Variants in RPS6KC1 observed in about 807,000 individuals in gnomAD.
RPS6KC1 encodes inactive ribosomal protein S6 kinase delta-1.
Under a neutral mutation model 103.8 loss-of-function variants are expected in RPS6KC1, and 54 were observed. The ratio of observed to expected loss-of-function variants is 0.52; its 90% CI spans 0.42 to 0.65. The LOEUF is 0.65. Among genes scored for constraint, RPS6KC1 ranks in the 30% least tolerant of loss-of-function variants. The probability of loss-of-function intolerance (pLI) is 0.00; values close to 1 mark genes in which losing one functional copy is unlikely to be tolerated. For missense variants in RPS6KC1, 1,151 were observed against 1,253.8 expected, an observed-to-expected ratio of 0.92 and a Z score of 1.24; for synonymous variants, 439 against 438.7, an observed-to-expected ratio of 1.00 and a Z score of -0.01.
chr1:213,262,005 G>A (rs1285789558), intron 13 of RPS6KC1, among the ~76,000 whole-genome samples: 1 of 152,148 alleles, frequency 6.6e-6, no homozygotes, highest in African/African-American at 2.4e-5. Context: ...CTGAAACCAG[G>A]AGAGAATTCT....
the RPS6KC1 span, among the ~76,000 whole-genome samples, chr1:213,778,809 A>G: frequency 6.6e-6 from 1 of 151,596 alleles, no homozygotes; most frequent in Non-Finnish European, 1.5e-5. Flanking sequence ...AGGATCCTAA[A>G]CCCCCATGCT....
At chr1:213,709,020 G>T in the RPS6KC1 span, among the ~76,000 whole-genome samples, 1 of 151,974 alleles carries the variant, frequency 6.6e-6, no homozygotes, top group African/African-American at 2.4e-5. Flanking sequence ...TTCTTTTTTT[G>T]TTGTGTTTCT....
At chr1:213,356,616 A>G in the RPS6KC1 span, among the ~76,000 whole-genome samples, 1 of 152,202 alleles carries the variant, frequency 6.6e-6, no homozygotes, top group African/African-American at 2.4e-5. Context: ...AGATGGCACC[A>G]CTGCATTCCA....
chr1:213,742,975 T>C, the RPS6KC1 span, among the ~76,000 whole-genome samples: 1 of 152,356 alleles, frequency 6.6e-6, no homozygotes, highest in East Asian at 1.9e-4. Context: ...GAAAGCAGTT[T>C]GGCAATTTCT....
At chr1:213,823,610 AC>A in the RPS6KC1 span, among the ~76,000 whole-genome samples, 2 of 152,096 alleles carry the variant, frequency 1.3e-5, no homozygotes, top group African/African-American at 4.8e-5. Flanking sequence ...CCTCTTCCCA[AC>A]AGAATGGAGG....
At chr1:213,113,401 G>T (rs558652300) in intron 4 of RPS6KC1, among the ~76,000 whole-genome samples, 180 of 152,140 alleles carry the variant, frequency 1.2e-3, no homozygotes, top group African/African-American at 3.2e-3. Context: ...CCCACTTTTT[G>T]ATGGGGTTGT....
intron 8 of RPS6KC1, among the ~76,000 whole-genome samples, chr1:213,181,538 T>A (rs2092269741): frequency 6.6e-6 from 1 of 152,234 alleles, no homozygotes; most frequent in South Asian, 2.1e-4. Flanking sequence ...AACTGGTACT[T>A]ATTTTTTAAG....
chr1:213,804,311 C>T, the RPS6KC1 span, among the ~76,000 whole-genome samples: 1 of 151,986 alleles, frequency 6.6e-6, no homozygotes, highest in South Asian at 2.1e-4. Flanking sequence ...AGAGGACCTT[C>T]CAATCTCTGC....
At chr1:213,547,605 GGTA>G in the RPS6KC1 span, among the ~76,000 whole-genome samples, 1 of 152,166 alleles carries the variant, frequency 6.6e-6, no homozygotes, top group Admixed American at 6.5e-5. Context: ...CCTGATGGGA[GGTA>G]TTTGGGTCAT....
At chr1:213,151,940 C>CCCAT (rs2089083602) in intron 6 of RPS6KC1, among the ~76,000 whole-genome samples, 1 of 125,924 alleles carries the variant, frequency 7.9e-6, no homozygotes, top group African/African-American at 3.2e-5. Context: ...GACCCCCCCA[C>CCCAT]CTCCCTCCCG....
At chr1:213,278,723 G>A (rs1176612781), downstream of RPS6KC1, among the ~76,000 whole-genome samples, 1 of 152,134 alleles carries the variant, frequency 6.6e-6, no homozygotes, top group Non-Finnish European at 1.5e-5. Flanking sequence ...ACAGGGGAAA[G>A]AAAGAAGCAT....
At chr1:213,163,779 G>A (rs6700169) in intron 6 of RPS6KC1, among the ~76,000 whole-genome samples, 110,997 of 151,992 alleles carry the variant, frequency 0.73, 41,353 homozygotes, top group African/African-American at 0.88. Flanking sequence ...AGAAAGACCT[G>A]TTCTCTTTTA....
chr1:213,139,176 T>C (rs929404869), intron 6 of RPS6KC1, among the ~76,000 whole-genome samples: 1 of 151,352 alleles, frequency 6.6e-6, no homozygotes, highest in Non-Finnish European at 1.5e-5. Flanking sequence ...CCTGTTCATG[T>C]CCCTGCCCAT....
In RPS6KC1 at chr1:213,242,278, C is replaced by T; in HGVS notation, c.2802C>T (p.Asn934=). The part of the protein sequence containing the change: ...GIVCRDLNPN[N]ILLNDRGHIQ... ...TGTGCCGCGATTTGAACCCAAACAA[C>T]ATCTTATTGAATGATAGAGGTCAGG... Residue 934 remains asparagine, a synonymous_variant, in exon 11 of 15, where the codon AAC becomes AAT. Transcript: ENST00000366960. 1 of 1,613,916 alleles carries T rather than the reference C, an allele frequency of 6.2e-7. No individual in the cohort carries two copies. The highest frequency in any genetic ancestry group is 8.5e-7 in the Non-Finnish European group (1 of 1,179,872).
the RPS6KC1 span, among the ~76,000 whole-genome samples, chr1:213,694,583 C>T: frequency 6.6e-6 from 1 of 152,192 alleles, no homozygotes; most frequent in East Asian, 1.9e-4. Context: ...GTCCTCTCTG[C>T]TCCCCACCTT....
the RPS6KC1 span, among the ~76,000 whole-genome samples, chr1:213,602,194 C>CTTTT: frequency 2.8e-4 from 21 of 75,198 alleles, no homozygotes; most frequent in African/African-American, 1.2e-3. Flanking sequence ...TTCTTTTTCC[C>CTTTT]TCCCTCCCTC....
the RPS6KC1 span, among the ~76,000 whole-genome samples, chr1:213,430,440 G>A: frequency 6.6e-6 from 1 of 152,162 alleles, no homozygotes; most frequent in Non-Finnish European, 1.5e-5. Flanking sequence ...AAAGCAAGCA[G>A]AACCAGAGAC....
At chr1:213,618,075 C>T in the RPS6KC1 span, among the ~76,000 whole-genome samples, 9,886 of 152,206 alleles carry the variant, frequency 0.065, 604 homozygotes, top group East Asian at 0.28. Context: ...AAAAACTGGG[C>T]CAACTTAATT....
At chr1:213,623,126 T>G in the RPS6KC1 span, among the ~76,000 whole-genome samples, 1 of 152,188 alleles carries the variant, frequency 6.6e-6, no homozygotes, top group Non-Finnish European at 1.5e-5. Context: ...GGAAGGCGAT[T>G]GCAGTTCTGG....
Sources: gnomAD v4.1 joint callset for allele counts (sites outside exome capture counted in the v4.1 genomes callset) on GRCh38, gnomAD v4.1.1 for gene constraint, MANE v1.5 for transcripts, NCBI Gene and HGNC (gene_info 2026-07-23, HGNC 2026-07-21) for gene names.